NRXN3: variants seen among roughly 807,000 people sequenced by gnomAD.
NRXN3 encodes neurexin III.
In NRXN3, 32 loss-of-function variants were observed where a neutral mutation model predicts 137.6. That is an observed-to-expected ratio of 0.23 (90% CI 0.18 to 0.31). NRXN3 has a LOEUF of 0.31. Ranked by LOEUF, NRXN3 falls within the 10% of genes least tolerant of loss-of-function variation. NRXN3 has a pLI of 1.00. For missense variants in NRXN3, 1,574 were observed against 2,062.5 expected (o/e 0.76, Z 4.59); for synonymous variants, 798 against 784.5 (o/e 1.02, Z -0.29).
intron 15 of NRXN3, among the ~76,000 whole-genome samples, chr14:79,430,334 G>A (rs2095729195): frequency 6.6e-6 from 1 of 152,180 alleles, no homozygotes; most frequent in Non-Finnish European, 1.5e-5. Flanking sequence ...AACGTGATGA[G>A]TGATAGAGGT....
rs74808235 is a variant in NRXN3, at chr14:78,774,239, G to A, written c.2045-29381G>A. Among the ~76,000 whole-genome samples the A allele has an allele frequency of 7.0e-3, 1,069 of 152,256 alleles. 10 individuals carry two copies. Among genetic ancestry groups the A allele is most frequent in the African/African-American group, 0.025 (1,026 of 41,536 alleles). Reference sequence around the variant, plus strand: ...ATAGCGTTATGATGGTTAAATGCTAGGATTGAATGTTAAATAAATTTTAAA... The same window carrying A: ...ATAGCGTTATGATGGTTAAATGCTAAGATTGAATGTTAAATAAATTTTAAA... On this transcript the variant is annotated intron_variant, in intron 8 of 20. Coordinates refer to ENST00000335750, the MANE Select transcript of NRXN3 (RefSeq NM_001330195.2).
chr14:79,383,317 G>C (rs2094522026), intron 15 of NRXN3, among the ~76,000 whole-genome samples: 1 of 152,034 alleles, frequency 6.6e-6, no homozygotes, highest in African/African-American at 2.4e-5. Flanking sequence ...ATTTTTATCT[G>C]TCCTCTTTTT....
chr14:79,042,574 T>C (rs1283099574), intron 15 of NRXN3, among the ~76,000 whole-genome samples: 4 of 152,260 alleles, frequency 2.6e-5, no homozygotes. Context: ...CATTGTGTTT[T>C]TCTTTTATAG....
intron 15 of NRXN3, among the ~76,000 whole-genome samples, chr14:79,007,937 T>A (rs990078701): frequency 6.6e-6 from 1 of 151,584 alleles, no homozygotes; most frequent in Admixed American, 6.6e-5. Flanking sequence ...TACCTCTTAA[T>A]CCTATGATTT....
intron 16 of NRXN3, among the ~76,000 whole-genome samples, chr14:79,514,467 A>T (rs1204637585): frequency 6.6e-6 from 1 of 152,074 alleles, no homozygotes; most frequent in Non-Finnish European, 1.5e-5. Flanking sequence ...TTATTACCTG[A>T]TCCTGCTCTA....
chr14:78,327,407 C>A (rs2080238605), intron 4 of NRXN3, among the ~76,000 whole-genome samples: 1 of 152,106 alleles, frequency 6.6e-6, no homozygotes, highest in Admixed American at 6.6e-5. Flanking sequence ...GCAATTTGAT[C>A]TTTTATTTTT....
In NRXN3 at chr14:78,630,315, GACT is replaced by G. The variant is rs2097507025; in HGVS notation, c.758-14801_758-14799del. 2.0e-5 allele frequency among the ~76,000 whole-genome samples: 3 copies of G among 152,198 alleles called. No individual in the cohort carries two copies. In the South Asian group the frequency reaches 6.2e-4, roughly 32 times the overall value. On this transcript the variant is annotated intron_variant, in intron 4 of 20. Transcript: ENST00000335750. ...TTTTATGAAAAAAGAAAATAGAGTT[GACT>G]ACTTTTCTATTTATTTAAATAATAA...
chr14:79,520,404 T>A (rs1284431356), intron 16 of NRXN3, among the ~76,000 whole-genome samples: 1 of 152,158 alleles, frequency 6.6e-6, no homozygotes, highest in Non-Finnish European at 1.5e-5. Flanking sequence ...CATCAACCTG[T>A]CATCTACATT....
chr14:79,774,140 G>A (rs528315403), intron 19 of NRXN3, among the ~76,000 whole-genome samples: 2 of 152,178 alleles, frequency 1.3e-5, no homozygotes, highest in South Asian at 2.1e-4. Flanking sequence ...TTCAAGTAGT[G>A]GAAAGTTATA....
intron 15 of NRXN3, among the ~76,000 whole-genome samples, chr14:79,086,117 G>C (rs1390043825): frequency 6.6e-6 from 1 of 152,112 alleles, no homozygotes; most frequent in East Asian, 1.9e-4. Context: ...TGGTGGCTTG[G>C]TATTGGGGGC....
At chr14:78,889,238 A>T (rs2099152347) in intron 10 of NRXN3, among the ~76,000 whole-genome samples, 1 of 151,994 alleles carries the variant, frequency 6.6e-6, no homozygotes, top group South Asian at 2.1e-4. Context: ...AATAAGATTA[A>T]TTCTCTGTAA....
intron 4 of NRXN3, among the ~76,000 whole-genome samples, chr14:78,637,239 C>G (rs1601709301): frequency 6.6e-6 from 1 of 152,202 alleles, no homozygotes; most frequent in East Asian, 1.9e-4. Flanking sequence ...CCTAAATACT[C>G]TGTGCTCTTC....
intron 19 of NRXN3, among the ~76,000 whole-genome samples, chr14:79,741,142 C>T (rs758057514): frequency 2.4e-4 from 37 of 152,040 alleles, no homozygotes; most frequent in Non-Finnish European, 4.7e-4. Context: ...TCTGGCTCTT[C>T]AAATAATTAG....
intron 6 of NRXN3, among the ~76,000 whole-genome samples, chr14:78,678,998 G>A (rs1035583602): frequency 6.6e-6 from 1 of 152,050 alleles, no homozygotes; most frequent in African/African-American, 2.4e-5. Context: ...AAAAATGTCA[G>A]GATAGATGAG....
chr14:78,852,928 A>G (rs2099046664), intron 10 of NRXN3, among the ~76,000 whole-genome samples: 1 of 151,662 alleles, frequency 6.6e-6, no homozygotes, highest in African/African-American at 2.4e-5. Flanking sequence ...CAAATAAGAG[A>G]ACATGTGAAG....
At chr14:78,814,503 T>C (rs2098925398) in intron 10 of NRXN3, among the ~76,000 whole-genome samples, 1 of 152,138 alleles carries the variant, frequency 6.6e-6, no homozygotes, top group South Asian at 2.1e-4. Flanking sequence ...TAGTCCCAGC[T>C]ACTCGGGAGG....
At chr14:79,614,974 A>G (rs1406103790) in intron 16 of NRXN3, among the ~76,000 whole-genome samples, 3 of 152,198 alleles carry the variant, frequency 2.0e-5, no homozygotes, top group African/African-American at 7.2e-5. Flanking sequence ...TATTAAAACT[A>G]GGCTGGGTCT....
intron 19 of NRXN3, among the ~76,000 whole-genome samples, chr14:79,780,275 G>C (rs2099109633): frequency 6.6e-6 from 1 of 151,902 alleles, no homozygotes; most frequent in Non-Finnish European, 1.5e-5. Flanking sequence ...TTATATACCA[G>C]TTTCAAATTT....
chr14:79,222,694 G>T (rs2070007743), intron 15 of NRXN3, among the ~76,000 whole-genome samples: 1 of 151,998 alleles, frequency 6.6e-6, no homozygotes, highest in Non-Finnish European at 1.5e-5. Flanking sequence ...ATTTAATATT[G>T]TCAGTGTTTT....
Sources: allele counts gnomAD v4.1 joint callset (sites outside exome capture counted in the v4.1 genomes callset), GRCh38; gene constraint gnomAD v4.1.1; transcripts MANE v1.5; gene names NCBI Gene and HGNC (gene_info 2026-07-23, HGNC 2026-07-21).